Variants in ITPR2 observed in about 807,000 individuals in gnomAD.
ITPR2 encodes inositol 1,4,5-trisphosphate receptor type 2, also known as inositol 1,4,5-trisphosphate-gated calcium channel ITPR2.
ITPR2 carries 207 observed loss-of-function variants against 317.1 expected under a neutral mutation model. The observed-to-expected ratio is 0.65, with a 90% confidence interval of 0.58 to 0.73. ITPR2 has a LOEUF of 0.73. Ranked by LOEUF, ITPR2 falls within the 30% of genes least tolerant of loss-of-function variation. The probability of loss-of-function intolerance (pLI) is 0.00; values close to 1 mark genes in which losing one functional copy is unlikely to be tolerated. For missense variants in ITPR2, 2,613 were observed against 3,284.0 expected, an observed-to-expected ratio of 0.80 and a Z score of 4.99; for synonymous variants, 1,156 against 1,149.1, an observed-to-expected ratio of 1.01 and a Z score of -0.12.
intron 35 of ITPR2, among the ~76,000 whole-genome samples, chr12:26,557,973 C>T (rs962960994): frequency 1.3e-5 from 2 of 152,114 alleles, no homozygotes; most frequent in East Asian, 3.9e-4. Context: ...GCTACAGAAG[C>T]ACAGATGGGG....
intron 34 of ITPR2, among the ~76,000 whole-genome samples, chr12:26,571,762 A>G (rs978352721): frequency 7.9e-5 from 12 of 152,240 alleles, no homozygotes; most frequent in African/African-American, 2.9e-4. Context: ...TGTCCACATC[A>G]TAGATTTCAC....
intron 2 of ITPR2, among the ~76,000 whole-genome samples, chr12:26,746,425 C>T (rs1949325263): frequency 6.6e-6 from 1 of 152,170 alleles, no homozygotes. Flanking sequence ...AGAAAATGAG[C>T]AGAAACAACC....
At chr12:26,704,815 TCAGA>T (rs1365386534) in intron 9 of ITPR2, among the ~76,000 whole-genome samples, 1 of 152,170 alleles carries the variant, frequency 6.6e-6, no homozygotes, top group Non-Finnish European at 1.5e-5. Context: ...TTGCTTAAAG[TCAGA>T]CAGATTGTAA....
At chr12:26,605,119 A>AAT (rs1946097927) in intron 26 of ITPR2, among the ~76,000 whole-genome samples, 5 of 116,390 alleles carry the variant, frequency 4.3e-5, no homozygotes, top group African/African-American at 9.5e-5. Context: ...AAAAAATAAA[A>AAT]AATAAAAATA....
intron 55 of ITPR2, among the ~76,000 whole-genome samples, chr12:26,357,131 G>A (rs1373079486): frequency 6.6e-6 from 1 of 152,058 alleles, no homozygotes; most frequent in Non-Finnish European, 1.5e-5. Flanking sequence ...GACTCTTGGT[G>A]GGCCCCTACA....
Position 26,751,473 on chromosome 12 carries a change from C to T in ITPR2, c.164-25708G>A, listed in dbSNP as rs190261416. Among the ~76,000 whole-genome samples, 27 of 152,230 alleles carry T rather than the reference C, an allele frequency of 1.8e-4. 1 individual carries two copies. The highest frequency in any genetic ancestry group is 1.5e-3 in the East Asian group (8 of 5,184). ...GCCTTGAGGCCCAGGTCAGGGGGAA[C>T]GAGATCAATTCATATTCTTTTTATT... On this transcript the variant is annotated intron_variant, in intron 2 of 56. Transcript: ENST00000381340.
intron 1 of ITPR2, among the ~76,000 whole-genome samples, chr12:26,829,904 G>C (rs1345098687): frequency 6.6e-6 from 1 of 151,970 alleles, no homozygotes; most frequent in African/African-American, 2.4e-5. Flanking sequence ...TTTTTGTTTT[G>C]TTTTGTTTGT....
At chr12:26,476,774 G>T (rs1166505810) in intron 44 of ITPR2, 138 bp downstream of exon 44, 1 of 610,806 alleles carries the variant, frequency 1.6e-6, no homozygotes, top group South Asian at 2.1e-5. Context: ...CTGAGGTATT[G>T]GTAATGGTAG....
At chr12:26,487,406 A>G (rs182713828) in intron 39 of ITPR2, among the ~76,000 whole-genome samples, 155 bp from the exon 40 acceptor site, 64 of 152,306 alleles carry the variant, frequency 4.2e-4, no homozygotes, top group Admixed American at 1.6e-3. Flanking sequence ...AGTTTCTTGT[A>G]CTATTTAATG....
chr12:26,443,057 G>A (rs1941523097), intron 46 of ITPR2, among the ~76,000 whole-genome samples: 1 of 152,064 alleles, frequency 6.6e-6, no homozygotes, highest in Non-Finnish European at 1.5e-5. Flanking sequence ...GGTGGTGGAG[G>A]GGTCAAGTGC....
intron 13 of ITPR2, among the ~76,000 whole-genome samples, chr12:26,671,424 C>T (rs1204634244): frequency 6.6e-6 from 1 of 151,998 alleles, no homozygotes; most frequent in East Asian, 1.9e-4. Context: ...AATTTTCAAC[C>T]CAGAATTTCA....
intron 37 of ITPR2, among the ~76,000 whole-genome samples, chr12:26,497,802 C>T (rs1053635939): frequency 6.6e-6 from 1 of 151,566 alleles, no homozygotes; most frequent in African/African-American, 2.4e-5. Flanking sequence ...CCTCCACCTC[C>T]CTGGTTCAAG....
At chr12:26,462,512 C>T (rs978501033) in intron 45 of ITPR2, among the ~76,000 whole-genome samples, 1 of 151,720 alleles carries the variant, frequency 6.6e-6, no homozygotes, top group Non-Finnish European at 1.5e-5. Context: ...CTGTGCCTGG[C>T]GGGAAAAACT....
intron 21 of ITPR2, among the ~76,000 whole-genome samples, chr12:26,638,430 C>T (rs2136853896): frequency 6.6e-6 from 1 of 152,214 alleles, no homozygotes; most frequent in Admixed American, 6.5e-5. Flanking sequence ...TTTCCATCAC[C>T]CTAGAAAGCT....
intron 1 of ITPR2, among the ~76,000 whole-genome samples, chr12:26,792,589 T>G (rs1950360801): frequency 6.6e-6 from 1 of 152,076 alleles, no homozygotes; most frequent in South Asian, 2.1e-4. Flanking sequence ...TTGTCTTGAG[T>G]CTTCCAATAA....
At chr12:26,706,744 T>C (rs1426098449) in intron 9 of ITPR2, among the ~76,000 whole-genome samples, 1 of 152,148 alleles carries the variant, frequency 6.6e-6, no homozygotes, top group Non-Finnish European at 1.5e-5. Context: ...AGCCTCGAGG[T>C]AGCTACCAAG....
At chr12:26,605,834 A>G (rs1389696227) in intron 26 of ITPR2, among the ~76,000 whole-genome samples, 1 of 152,224 alleles carries the variant, frequency 6.6e-6, no homozygotes, top group Non-Finnish European at 1.5e-5. Context: ...TTAATTTCAG[A>G]AAATAATTCA....
chr12:26,537,678 T>A (rs2136974161), intron 37 of ITPR2, among the ~76,000 whole-genome samples: 1 of 152,220 alleles, frequency 6.6e-6, no homozygotes, highest in East Asian at 1.9e-4. Context: ...TTTATCAAGC[T>A]GCCATGCTGT....
chr12:26,794,590 C>T (rs987802702), intron 1 of ITPR2, among the ~76,000 whole-genome samples: 1 of 152,180 alleles, frequency 6.6e-6, no homozygotes, highest in Non-Finnish European at 1.5e-5. Context: ...TGTGAATTCC[C>T]AGAGCAATTT....
Sources: allele counts gnomAD v4.1 joint callset (sites outside exome capture counted in the v4.1 genomes callset), GRCh38; gene constraint gnomAD v4.1.1; transcripts MANE v1.5; gene names NCBI Gene and HGNC (gene_info 2026-07-23, HGNC 2026-07-21).